ARHGAP42: variants seen among roughly 807,000 people sequenced by gnomAD.
ARHGAP42 encodes Rho GTPase activating protein 42, also known as rho GTPase-activating protein 42.
In ARHGAP42, 63 loss-of-function variants were observed where a neutral mutation model predicts 125.0. The ratio of observed to expected loss-of-function variants is 0.50; its 90% CI spans 0.41 to 0.62. The LOEUF (loss-of-function observed/expected upper bound fraction) is 0.62. ARHGAP42 is among the 20% of genes least tolerant of loss of function. The pLI is 0.00. For missense variants in ARHGAP42, 766 were observed against 1,024.2 expected (o/e 0.75, Z 3.44); for synonymous variants, 339 against 351.0 (o/e 0.97, Z 0.38).
chr11:100,940,699 G>A (rs1044053426), intron 8 of ARHGAP42, among the ~76,000 whole-genome samples: 3 of 152,100 alleles, frequency 2.0e-5, no homozygotes, highest in African/African-American at 7.2e-5. Context: ...TCCAGATTAG[G>A]AGTAAGAGGA....
intron 3 of ARHGAP42, among the ~76,000 whole-genome samples, chr11:100,847,568 G>A (rs139136681): frequency 5.1e-4 from 78 of 152,272 alleles, no homozygotes; most frequent in Middle Eastern, 3.4e-3. Context: ...TGGCAGCTGT[G>A]TGGAACGTTA....
chr11:100,809,052 GTGGGATT>G (rs1864075999), intron 3 of ARHGAP42, among the ~76,000 whole-genome samples: 1 of 152,136 alleles, frequency 6.6e-6, no homozygotes, highest in Admixed American at 6.5e-5. Context: ...CACATTGCTT[GTGGGATT>G]AAGAAACAGC....
chr11:100,906,211 C>T (rs1378026197), intron 4 of ARHGAP42, among the ~76,000 whole-genome samples: 1 of 152,068 alleles, frequency 6.6e-6, no homozygotes, highest in Non-Finnish European at 1.5e-5. Context: ...CAGAGCACAC[C>T]CCTCAGTATT....
At chr11:100,968,937 T>G (rs201052915) in intron 17 of ARHGAP42, among the ~76,000 whole-genome samples, 2 of 33,906 alleles carry the variant, frequency 5.9e-5, no homozygotes, top group Non-Finnish European at 1.2e-4. Flanking sequence ...TGTTTTTTTG[T>G]TTTTTTGTGT....
At chr11:100,829,543 T>C (rs1864614569) in intron 3 of ARHGAP42, among the ~76,000 whole-genome samples, 2 of 152,138 alleles carry the variant, frequency 1.3e-5, no homozygotes, top group Admixed American at 6.5e-5. Flanking sequence ...TTACCCACTT[T>C]ACTATGATAC....
At chr11:100,931,247 C>G (rs983323020) in intron 6 of ARHGAP42, among the ~76,000 whole-genome samples, 1 of 152,080 alleles carries the variant, frequency 6.6e-6, no homozygotes, top group African/African-American at 2.4e-5. Context: ...TTCATGTTTT[C>G]AGATTAGTAT....
intron 4 of ARHGAP42, among the ~76,000 whole-genome samples, chr11:100,869,928 A>T (rs1276609989): frequency 1.3e-5 from 2 of 152,160 alleles, no homozygotes; most frequent in African/African-American, 4.8e-5. Context: ...GTATTTTTCC[A>T]AAAGATCTTC....
At chr11:100,879,721 C>G (rs1276513043) in intron 4 of ARHGAP42, among the ~76,000 whole-genome samples, 2 of 152,194 alleles carry the variant, frequency 1.3e-5, no homozygotes, top group Non-Finnish European at 2.9e-5. Flanking sequence ...TTCACTGTCC[C>G]TAATCACCAC....
intron 4 of ARHGAP42, among the ~76,000 whole-genome samples, chr11:100,906,159 A>T (rs1239789158): frequency 6.6e-6 from 1 of 152,174 alleles, no homozygotes; most frequent in Non-Finnish European, 1.5e-5. Context: ...CTGTTTTTTC[A>T]GATCTTTTGC....
In ARHGAP42 at chr11:100,779,485, T is replaced by TACAC. The variant is rs1288145501; in HGVS notation, c.250+9057_250+9060dup. On this transcript the variant is annotated intron_variant, in intron 2 of 23. Coordinates refer to ENST00000298815, the MANE Select transcript of ARHGAP42 (RefSeq NM_152432.4). Reference sequence around the variant, plus strand: ...AAAAAAAAATATATATATATATATATACACACACACACATATATACACGTA... The same window carrying TACAC: ...AAAAAAAAATATATATATATATATATACACACACACACACACATATATACACGTA... Among the ~76,000 whole-genome samples, 217 of 81,110 alleles carry TACAC rather than the reference T, an allele frequency of 2.7e-3. 7 individuals carry two copies. The highest frequency in any genetic ancestry group is 7.5e-3 in the African/African-American group (172 of 22,828). The allele number at this position is 81,110 out of a possible 152,430, so 53.2% of individuals were successfully genotyped here. A position where few individuals can be genotyped will look rare whatever the true frequency, so the allele number is the denominator to read the frequency against.
At chr11:100,948,559 A>G in intron 11 of ARHGAP42, 24 bp downstream of exon 11, 1 of 1,523,948 alleles carries the variant, frequency 6.6e-7, no homozygotes, top group Non-Finnish European at 8.9e-7. Context: ...ACATTCTATA[A>G]TTTAGGTTTT....
chr11:100,752,709 C>G (rs529883026), intron 1 of ARHGAP42, among the ~76,000 whole-genome samples: 2 of 152,200 alleles, frequency 1.3e-5, no homozygotes, highest in Non-Finnish European at 2.9e-5. Flanking sequence ...TCTGAGATTT[C>G]TTGGTTATAA....
At chr11:100,736,818 A>G (rs1350896328) in intron 1 of ARHGAP42, among the ~76,000 whole-genome samples, 1 of 152,214 alleles carries the variant, frequency 6.6e-6, no homozygotes, top group Admixed American at 6.5e-5. Context: ...TCTGTTAAGA[A>G]AGAAAAAAAG....
intron 1 of ARHGAP42, among the ~76,000 whole-genome samples, chr11:100,717,473 T>C (rs974467329): frequency 7.9e-5 from 12 of 151,678 alleles, no homozygotes; most frequent in Admixed American, 3.9e-4. Flanking sequence ...CCGTCTCTAC[T>C]AAAAATACAA....
chr11:100,967,805 C>T (rs1379439984), intron 17 of ARHGAP42, among the ~76,000 whole-genome samples: 2 of 152,176 alleles, frequency 1.3e-5, no homozygotes, highest in Non-Finnish European at 2.9e-5. Context: ...CCTCCATCTC[C>T]TGGGTTCAAG....
At chr11:100,858,562 G>A (rs1037016252) in intron 3 of ARHGAP42, among the ~76,000 whole-genome samples, 1 of 152,056 alleles carries the variant, frequency 6.6e-6, no homozygotes, top group Non-Finnish European at 1.5e-5. Context: ...TAAGGAAAGT[G>A]ACACTTTTAT....
intron 1 of ARHGAP42, among the ~76,000 whole-genome samples, chr11:100,761,245 A>G (rs1169301239): frequency 6.6e-6 from 1 of 152,198 alleles, no homozygotes; most frequent in Non-Finnish European, 1.5e-5. Flanking sequence ...ACAGTACTTT[A>G]CAAAGAGAAA....
intron 1 of ARHGAP42, among the ~76,000 whole-genome samples, chr11:100,692,992 A>G (rs987012771): frequency 6.6e-6 from 1 of 152,152 alleles, no homozygotes; most frequent in Non-Finnish European, 1.5e-5. Flanking sequence ...CCACTTAGCT[A>G]CTAGAATTTT....
chr11:100,741,700 T>G (rs778031792), intron 1 of ARHGAP42, among the ~76,000 whole-genome samples: 56 of 152,218 alleles, frequency 3.7e-4, no homozygotes, highest in Non-Finnish European at 4.1e-4. Flanking sequence ...TAAAGCAGAT[T>G]TCTCTGTGTG....
Sources: gnomAD v4.1 joint callset for allele counts (sites outside exome capture counted in the v4.1 genomes callset) on GRCh38, gnomAD v4.1.1 for gene constraint, MANE v1.5 for transcripts, NCBI Gene and HGNC (gene_info 2026-07-23, HGNC 2026-07-21) for gene names.